The following CNPY4 variants were observed in gnomAD, a reference collection of about 807,000 sequenced individuals.
CNPY4 encodes canopy FGF signaling regulator 4.
A neutral mutation model predicts 30.1 loss-of-function variants in CNPY4; 33 were observed. The ratio of observed to expected loss-of-function variants is 1.10; its 90% CI spans 0.83 to 1.46. The LOEUF is 1.46. Ranked by LOEUF, CNPY4 falls within the 40% of genes most tolerant of loss-of-function variation. The pLI, the probability that CNPY4 is intolerant of heterozygous loss-of-function variation, is 0.00. For synonymous variants in CNPY4, 109 were observed against 110.1 expected (o/e 0.99, Z 0.06); for missense variants, 324 against 302.6 (o/e 1.07, Z -0.52).
At chr7:100,121,934 C>G (rs1245469642) in intron 1 of CNPY4, 1 of 245,320 alleles carries the variant, frequency 4.1e-6, no homozygotes, top group African/African-American at 2.3e-5. Context: ...CCTGTAGTCC[C>G]AGCTACTCGG....
At chr7:100,122,216 G>A in intron 1 of CNPY4, 43 bp from the exon 2 acceptor site, 1 of 1,611,060 alleles carries the variant, frequency 6.2e-7, no homozygotes, top group Non-Finnish European at 8.5e-7. Flanking sequence ...TGGCTGGTGT[G>A]TTTGTCTTTT....
At position 100,119,953 on chromosome 7, in the gene CNPY4, C is replaced by G. The variant is rs113026617; in HGVS notation, c.118+91C>G. Reference sequence around the variant, plus strand: ...CCTAGCCTGTATTGGGTGGGTCACCCGACCTCCTTGAAGGCTTGAGGGAGG... The same window carrying G: ...CCTAGCCTGTATTGGGTGGGTCACCGGACCTCCTTGAAGGCTTGAGGGAGG... On this transcript the variant is annotated intron_variant, in intron 1 of 5. Transcript: ENST00000262932. The G allele has an allele frequency of 2.3e-4, 280 of 1,201,780 alleles. No homozygotes were observed. In the African/African-American group the frequency reaches 3.8e-3, roughly 16 times the overall value. 74.4% of individuals were successfully genotyped at this position (1,201,780 alleles called of 1,614,324 possible). A position where few individuals can be genotyped will look rare whatever the true frequency, so the allele number is the denominator to read the frequency against.
At chr7:100,124,459 C>T (rs545023339) in intron 4 of CNPY4, 55 bp from the exon 5 acceptor site, 47 of 1,367,314 alleles carry the variant, frequency 3.4e-5, no homozygotes, top group East Asian at 2.1e-4. Flanking sequence ...AGAAGACAGG[C>T]GGGATCCCAA....
chr7:100,125,052 A>C lies in CNPY4; in HGVS notation c.*164A>C. The C allele has an allele frequency of 2.7e-6, 2 of 746,222 alleles. No homozygotes were observed. The highest frequency in any genetic ancestry group is 2.0e-5 in the South Asian group (1 of 50,096). 46.2% of individuals were successfully genotyped at this position (746,222 alleles called of 1,614,324 possible). ...TCAGGCAAGATCCTGGTGAAACAGC[A>C]TGACATGGCTTCTGGGGTGGAGGGT... On this transcript the variant is annotated 3_prime_UTR_variant, in exon 6 of 6. Transcript: ENST00000262932.
intron 1 of CNPY4, among the ~76,000 whole-genome samples, chr7:100,121,852 C>A (rs376940929): frequency 6.6e-6 from 1 of 151,440 alleles, no homozygotes; most frequent in Non-Finnish European, 1.5e-5. Context: ...TGATCGAGAC[C>A]ATCCTGGCTA....
intron 1 of CNPY4, among the ~76,000 whole-genome samples, chr7:100,121,773 G>C (rs555138937): frequency 1.5e-3 from 233 of 151,548 alleles, no homozygotes; most frequent in Middle Eastern, 6.9e-3. Flanking sequence ...GAAACCGGCC[G>C]GGCGTGGTGG....
intron 4 of CNPY4, 72 bp downstream of exon 4, chr7:100,122,978 G>C: frequency 6.7e-7 from 1 of 1,488,940 alleles, no homozygotes; most frequent in Non-Finnish European, 9.1e-7. Context: ...TCTAGGGTTT[G>C]ACTATAGGGG....
chr7:100,121,112 A>ATTTTTTTTTTTTT (rs1798040006), intron 1 of CNPY4: 2 of 30,710 alleles, frequency 6.5e-5, no homozygotes, highest in Non-Finnish European at 1.2e-4. Flanking sequence ...ATATATATAT[A>ATTTTTTTTTTTTT]TATATTTTTT....
intron 1 of CNPY4, chr7:100,121,106 A>ATTTTTTTTTTTTTTTTTTTTTTT (rs1798031550): frequency 6.3e-5 from 1 of 15,770 alleles, no homozygotes; most frequent in East Asian, 8.7e-4. Context: ...ATATATATAT[A>ATTTTTTTTTTTTTTTTTTTTTTT]TATATATATA....
At chr7:100,121,112 A>ATTTTTTTTTTTTTTTTTTTTTTTTT (rs1798040006) in intron 1 of CNPY4, 1 of 30,718 alleles carries the variant, frequency 3.3e-5, no homozygotes, top group Non-Finnish European at 5.8e-5. Context: ...ATATATATAT[A>ATTTTTTTTTTTTTTTTTTTTTTTTT]TATATTTTTT....
Position 100,122,866 on chromosome 7 carries a change from G to A in CNPY4, c.425G>A (p.Trp142Ter). Residue 142 changes from tryptophan (W) to a stop codon, truncating the protein, a stop_gained, in exon 4 of 6, where the codon TGG (tryptophan) becomes TAG (stop). Transcript: ENST00000262932. LOFTEE classifies it high-confidence loss of function. ...KVDLGIPLEL[W>*]DEPSVEVTYL... ...GATCTGGGGATCCCTCTGGAGCTTT[G>A]GGATGAGCCCAGCGTGGAGGTCACA... 1 of 1,613,832 alleles carries A rather than the reference G, an allele frequency of 6.2e-7. No individual in the cohort carries two copies. The highest frequency in any genetic ancestry group is 1.1e-5 in the South Asian group (1 of 90,974).
At chr7:100,124,031 G>C (rs1798151983) in intron 4 of CNPY4, among the ~76,000 whole-genome samples, 1 of 152,048 alleles carries the variant, frequency 6.6e-6, no homozygotes, top group Non-Finnish European at 1.5e-5. Context: ...CAGCTACTCA[G>C]GAAGCTGAGG....
At chr7:100,124,400 A>G in intron 4 of CNPY4, 114 bp from the exon 5 acceptor site, 1 of 753,302 alleles carries the variant, frequency 1.3e-6, no homozygotes, top group Admixed American at 2.1e-5. Context: ...GGCCAAACTT[A>G]GCTTCCTGGC....
chr7:100,124,998 A>G lies in CNPY4; in HGVS notation c.*110A>G. Reference sequence around the variant, plus strand: ...GTGTGTTTATGAGTGACTCCACCCAAGCTTGTAGCTGTTCTCTCCCATCTA... The same window carrying G: ...GTGTGTTTATGAGTGACTCCACCCAGGCTTGTAGCTGTTCTCTCCCATCTA... On this transcript the variant is annotated 3_prime_UTR_variant, in exon 6 of 6. Coordinates refer to ENST00000262932, the MANE Select transcript of CNPY4 (RefSeq NM_152755.2). 7.8e-7 allele frequency: 1 copy of G among 1,274,400 alleles called. No homozygotes were observed. The highest frequency in any genetic ancestry group is 1.1e-6 in the Non-Finnish European group (1 of 921,440). 78.9% of individuals were successfully genotyped at this position (1,274,400 alleles called of 1,614,324 possible). A position where few individuals can be genotyped will look rare whatever the true frequency, so the allele number is the denominator to read the frequency against.
At chr7:100,121,991 A>G in intron 1 of CNPY4, 1 of 339,692 alleles carries the variant, frequency 2.9e-6, no homozygotes, top group Non-Finnish European at 5.5e-6. Flanking sequence ...CGGAGCTGGC[A>G]GTGAGCCGAG....
At chr7:100,120,180 A>T in intron 1 of CNPY4, 1 of 229,146 alleles carries the variant, frequency 4.4e-6, no homozygotes, top group Non-Finnish European at 8.6e-6. Context: ...TGTTTACCTC[A>T]TGTCACCAGA....
intron 1 of CNPY4, chr7:100,122,008 C>CCACTG (rs1294559725): frequency 2.6e-6 from 1 of 391,210 alleles, no homozygotes; most frequent in East Asian, 6.0e-5. Context: ...CGAGACTGCG[C>CCACTG]CACTGCACTA....
chr7:100,124,610 G>C lies in CNPY4; in HGVS notation c.562G>C (p.Val188Leu). Residue 188 changes from valine (V) to leucine (L), a missense_variant, in exon 5 of 6, where the codon GTG (valine) becomes CTG (leucine). Val to Leu is a conservative substitution (Grantham distance 32, BLOSUM62 1). Coordinates refer to ENST00000262932, the MANE Select transcript of CNPY4 (RefSeq NM_152755.2). Reference sequence around the variant, plus strand: ...ACAAAATTTTCTCTGTGAAGGTCATGTGCTCCCAGCTGCTGAAACTGGTAA... The same window carrying C: ...ACAAAATTTTCTCTGTGAAGGTCATCTGCTCCCAGCTGCTGAAACTGGTAA... ...PLQNFLCEGH[V>L]LPAAETACLQ... 6.2e-7 allele frequency: 1 copy of C among 1,613,434 alleles called. No individual in the cohort carries two copies.
In CNPY4 at chr7:100,120,207, C is replaced by G. The variant is rs185962147; in HGVS notation, c.118+345C>G. 19 of 180,270 alleles carry G rather than the reference C, an allele frequency of 1.1e-4. No homozygotes were observed. In the East Asian group the frequency reaches 2.9e-3, roughly 27 times the overall value. The allele number at this position is 180,270 out of a possible 1,614,324, so 11.2% of individuals were successfully genotyped here. ...GTCACCAGACCTTAATCTGCAGAGG[C>G]TGCAGGAGCCGGGTGTGAGGCTCAG... On this transcript the variant is annotated intron_variant, in intron 1 of 5. Transcript: ENST00000262932.
Sources: gnomAD v4.1 joint callset for allele counts (sites outside exome capture counted in the v4.1 genomes callset) on GRCh38, gnomAD v4.1.1 for gene constraint, MANE v1.5 for transcripts, NCBI Gene and HGNC (gene_info 2026-07-23, HGNC 2026-07-21) for gene names.